Variants in SYNJ1 observed in about 807,000 individuals in gnomAD.
SYNJ1 encodes the protein polyphosphatidylinositol phosphatase SYNJ1.
SYNJ1 carries 78 observed loss-of-function variants against 168.2 expected under a neutral mutation model. The ratio of observed to expected loss-of-function variants is 0.46; its 90% CI spans 0.39 to 0.56. The LOEUF (loss-of-function observed/expected upper bound fraction) is 0.56, where lower values mean the gene tolerates loss of function less well. Among genes scored for constraint, SYNJ1 ranks in the 20% least tolerant of loss-of-function variants. The probability of loss-of-function intolerance (pLI) is 0.00; values close to 1 mark genes in which losing one functional copy is unlikely to be tolerated. For missense variants in SYNJ1, 1,303 were observed against 1,597.6 expected (o/e 0.82, Z 3.14); for synonymous variants, 539 against 548.6 (o/e 0.98, Z 0.24).
chr21:32,672,059 C>CAAAAAAAAAAAA (rs1160074724), intron 14 of SYNJ1, among the ~76,000 whole-genome samples: 194 of 24,368 alleles, frequency 8.0e-3, no homozygotes, highest in Non-Finnish European at 9.5e-3. Context: ...AACTCAATCT[C>CAAAAAAAAAAAA]AAAAAAAAAA....
chr21:32,662,402 G>A (rs1489401645), intron 18 of SYNJ1, among the ~76,000 whole-genome samples: 1 of 152,072 alleles, frequency 6.6e-6, no homozygotes, highest in African/African-American at 2.4e-5. Context: ...GAATGCCTAG[G>A]AACTTTAAAA....
At chr21:32,633,595 T>C (rs1303068943) in intron 32 of SYNJ1, among the ~76,000 whole-genome samples, 1 of 152,170 alleles carries the variant, frequency 6.6e-6, no homozygotes, top group East Asian at 1.9e-4. Context: ...CAAAAGGAAT[T>C]TGGATAGTTG....
chr21:32,719,418 T>C (rs1455062781), intron 2 of SYNJ1, among the ~76,000 whole-genome samples: 1 of 152,144 alleles, frequency 6.6e-6, no homozygotes, highest in African/African-American at 2.4e-5. Flanking sequence ...TTCCAAGGTT[T>C]GAAAAGCTAT....
intron 29 of SYNJ1, among the ~76,000 whole-genome samples, chr21:32,640,516 C>G (rs905597668): frequency 1.3e-5 from 2 of 152,080 alleles, no homozygotes; most frequent in Non-Finnish European, 2.9e-5. Context: ...AGGATGGTCT[C>G]GATCTCCTGA....
upstream of SYNJ1, chr21:32,728,049 G>C (rs2122963857): frequency 1.3e-6 from 2 of 1,528,052 alleles, no homozygotes; most frequent in Admixed American, 2.0e-5. Context: ...ATTGCGCCGC[G>C]GCCGGGGGCG....
rs1275854378 is a variant in SYNJ1 at position 32,639,688 on chromosome 21, G to C, written c.3680C>G (p.Thr1227Arg). 9 of 1,613,878 alleles carry C rather than the reference G, an allele frequency of 5.6e-6. No individual in the cohort carries two copies. Among genetic ancestry groups the C allele is most frequent in the Admixed American group, 1.7e-5 (1 of 59,996 alleles). ...GRLTPESQSK[T>R]SETSKGSTFL... ...GGACCTACCTTTCGACGTTTCTGAT[G>C]TTTTGCTTTGGCTTTCAGGAGTCAG... is the stretch of plus-strand genomic sequence containing the variant. The change falls in exon 30 of 33, where the codon ACA becomes AGA. Residue 1227 changes from threonine to arginine, a missense_variant. Transcript: ENST00000674351.
intron 23 of SYNJ1, among the ~76,000 whole-genome samples, chr21:32,647,109 TC>T (rs1251590625): frequency 6.6e-6 from 1 of 152,132 alleles, no homozygotes; most frequent in Admixed American, 6.5e-5. Flanking sequence ...TCCCCCAGGG[TC>T]TCCTCATCTC....
intron 2 of SYNJ1, among the ~76,000 whole-genome samples, chr21:32,724,413 A>G (rs371473217): frequency 2.0e-4 from 30 of 152,170 alleles, no homozygotes; most frequent in African/African-American, 7.2e-4. Context: ...ACTTGAACCC[A>G]GGAGGTGGAG....
intron 18 of SYNJ1, among the ~76,000 whole-genome samples, chr21:32,664,287 A>G (rs1244741565): frequency 6.6e-6 from 1 of 152,194 alleles, no homozygotes; most frequent in Non-Finnish European, 1.5e-5. Context: ...TAATGAGTGA[A>G]GTTCTCAAAG....
intron 6 of SYNJ1, among the ~76,000 whole-genome samples, chr21:32,689,251 G>A (rs1453333886): frequency 6.6e-6 from 1 of 152,126 alleles, no homozygotes; most frequent in African/African-American, 2.4e-5. Flanking sequence ...ATCACTGAGG[G>A]GGGGCAAAAA....
intron 15 of SYNJ1, among the ~76,000 whole-genome samples, chr21:32,669,990 C>T (rs1037541315): frequency 5.9e-5 from 9 of 152,072 alleles, no homozygotes; most frequent in Non-Finnish European, 1.3e-4. Flanking sequence ...TTTAAGTTAG[C>T]ATGTAATAGG....
At chr21:32,662,942 G>A (rs537702145) in intron 18 of SYNJ1, among the ~76,000 whole-genome samples, 2 of 152,250 alleles carry the variant, frequency 1.3e-5, no homozygotes, top group South Asian at 2.1e-4. Context: ...CTGGATCCTC[G>A]AGTAAATATC....
At chr21:32,634,954 A>C in intron 31 of SYNJ1, 70 bp from the exon 32 acceptor site, 1 of 1,524,956 alleles carries the variant, frequency 6.6e-7, no homozygotes, top group South Asian at 1.1e-5. Context: ...AGCAACCCTA[A>C]CAATTCAGTC....
chr21:32,681,408 T>A, intron 11 of SYNJ1, 88 bp downstream of exon 11: 1 of 1,406,608 alleles, frequency 7.1e-7, no homozygotes, highest in East Asian at 2.3e-5. Context: ...ATTTAAACCA[T>A]CTATTAACTT....
chr21:32,685,181 CAAA>C (rs553002012), intron 9 of SYNJ1, among the ~76,000 whole-genome samples: 3 of 57,674 alleles, frequency 5.2e-5, no homozygotes, highest in Admixed American at 2.0e-4. Flanking sequence ...GACTCCGTCT[CAAA>C]AAAAAAAAAA....
chr21:32,652,471 G>C (rs534476738), intron 22 of SYNJ1, among the ~76,000 whole-genome samples: 2 of 152,286 alleles, frequency 1.3e-5, no homozygotes, highest in Non-Finnish European at 2.9e-5. Flanking sequence ...AAAGTGCTGG[G>C]ATTACAGGCG....
intron 23 of SYNJ1, 26 bp downstream of exon 23, chr21:32,650,158 G>T: frequency 1.3e-6 from 2 of 1,572,856 alleles, no homozygotes; most frequent in Non-Finnish European, 1.7e-6. Context: ...AGAACTACAA[G>T]AAGTAAATGT....
chr21:32,656,957 T>C (rs1257409426), intron 20 of SYNJ1, 46 bp downstream of exon 20: 8 of 1,610,724 alleles, frequency 5.0e-6, no homozygotes, highest in African/African-American at 2.7e-5. Flanking sequence ...AGGGTGTATT[T>C]CAAACAAATT....
chr21:32,695,961 C>T (rs1015205380), intron 4 of SYNJ1, among the ~76,000 whole-genome samples: 1 of 152,100 alleles, frequency 6.6e-6, no homozygotes, highest in Non-Finnish European at 1.5e-5. Context: ...ATTCTCCTGC[C>T]TCAGCCTCCT....
Sources: allele counts gnomAD v4.1 joint callset (sites outside exome capture counted in the v4.1 genomes callset), GRCh38; gene constraint gnomAD v4.1.1; transcripts MANE v1.5; gene names NCBI Gene and HGNC (gene_info 2026-07-23, HGNC 2026-07-21).